LRRC4C: variants seen among roughly 807,000 people sequenced by gnomAD.
LRRC4C encodes the protein leucine rich repeat containing 4C, also known as leucine-rich repeat-containing protein 4C.
Under a neutral mutation model 33.6 loss-of-function variants are expected in LRRC4C, and 5 were observed. That is an observed-to-expected ratio of 0.15 (90% CI 0.08 to 0.31). LRRC4C has a LOEUF of 0.31. LRRC4C is among the 10% of genes least tolerant of loss of function. The pLI is 1.00. For synonymous variants in LRRC4C, 329 were observed against 302.0 expected, an observed-to-expected ratio of 1.09 and a Z score of -0.93; for missense variants, 560 against 796.7, an observed-to-expected ratio of 0.70 and a Z score of 3.58.
At chr11:40,659,216 C>T (rs1246678597) in intron 2 of LRRC4C, among the ~76,000 whole-genome samples, 4 of 152,210 alleles carry the variant, frequency 2.6e-5, no homozygotes, top group African/African-American at 4.8e-5. Context: ...TGTGCATGCA[C>T]TTGGAGCAGT....
intron 3 of LRRC4C, among the ~76,000 whole-genome samples, chr11:40,513,248 CAA>C (rs1171178910): frequency 2.8e-3 from 153 of 54,984 alleles, no homozygotes; most frequent in African/African-American, 7.9e-3. Flanking sequence ...GACTCCGTCT[CAA>C]AAAAAAAAAA....
rs1485153589 is a variant in LRRC4C at position 40,952,906 on chromosome 11, T to A, written c.-495-19183A>T. The stretch of plus-strand genomic sequence containing the variant: ...CACACACACACACACACTCTCTCTC[T>A]CTCTCTCTCTCTCTCTCTTTCTCTC... On this transcript the variant is annotated intron_variant, in intron 1 of 6. Transcript: ENST00000528697. Among the ~76,000 whole-genome samples, 870 of 147,082 alleles carry A rather than the reference T, an allele frequency of 5.9e-3. 4 individuals are homozygous for A. Among genetic ancestry groups the A allele is most frequent in the African/African-American group, 0.021 (819 of 38,450 alleles).
chr11:40,956,048 T>C (rs1249431993), intron 1 of LRRC4C, among the ~76,000 whole-genome samples: 1 of 151,848 alleles, frequency 6.6e-6, no homozygotes, highest in Non-Finnish European at 1.5e-5. Context: ...TATACTCCTG[T>C]TAGCTTTACT....
At chr11:40,705,035 C>CAT (rs1946079947) in intron 2 of LRRC4C, among the ~76,000 whole-genome samples, 1 of 151,680 alleles carries the variant, frequency 6.6e-6, no homozygotes, top group African/African-American at 2.4e-5. Context: ...TACACACATA[C>CAT]ACACACACAC....
chr11:40,459,032 A>G (rs1952264885), intron 3 of LRRC4C, among the ~76,000 whole-genome samples: 1 of 152,200 alleles, frequency 6.6e-6, no homozygotes, highest in African/African-American at 2.4e-5. Context: ...GCACACACAT[A>G]CATGCATACA....
chr11:41,268,553 A>T (rs972690837), intron 1 of LRRC4C, among the ~76,000 whole-genome samples: 6 of 152,144 alleles, frequency 3.9e-5, no homozygotes, highest in African/African-American at 1.4e-4. Context: ...CTTTATTTTT[A>T]AAAATTGTAC....
intron 5 of LRRC4C, among the ~76,000 whole-genome samples, chr11:40,241,059 G>T (rs921640570): frequency 6.6e-6 from 1 of 152,112 alleles, no homozygotes; most frequent in Admixed American, 6.6e-5. Flanking sequence ...AAAGCCTTTT[G>T]GTTATGAAAT....
At chr11:41,321,489 A>G (rs1950957666) in intron 1 of LRRC4C, among the ~76,000 whole-genome samples, 1 of 152,190 alleles carries the variant, frequency 6.6e-6, no homozygotes, top group Admixed American at 6.5e-5. Flanking sequence ...TTTCAAAAGG[A>G]CCGTAGAATT....
At chr11:41,205,556 A>C (rs2136286193) in intron 1 of LRRC4C, among the ~76,000 whole-genome samples, 1 of 152,326 alleles carries the variant, frequency 6.6e-6, no homozygotes, top group South Asian at 2.1e-4. Flanking sequence ...CAATACCCTC[A>C]AACTTGGACA....
intron 5 of LRRC4C, among the ~76,000 whole-genome samples, chr11:40,235,870 C>CTTA (rs1233775194): frequency 4.0e-5 from 6 of 151,794 alleles, no homozygotes; most frequent in Non-Finnish European, 8.8e-5. Flanking sequence ...TTTGCATGGC[C>CTTA]TTATTATTAT....
At chr11:40,468,360 T>C (rs995997691) in intron 3 of LRRC4C, among the ~76,000 whole-genome samples, 1 of 152,202 alleles carries the variant, frequency 6.6e-6, no homozygotes, top group Non-Finnish European at 1.5e-5. Flanking sequence ...AATTTCTTCC[T>C]CTTCTGTTAG....
chr11:41,136,111 A>G lies in LRRC4C; in HGVS notation c.-495-202388T>C, dbSNP rs565910037. 2.0e-5 allele frequency among the ~76,000 whole-genome samples: 3 copies of G among 152,268 alleles called. No individual in the cohort carries two copies. The East Asian group carries it at 5.8e-4, about 29-fold the overall frequency. ...GCATATGTCAGGCAGTGGTCTAGGA[A>G]GTGGATATACAATGAAGAACAACAC... On this transcript the variant is annotated intron_variant, in intron 1 of 6. Transcript: ENST00000528697.
chr11:41,002,322 T>C (rs1397249958), intron 1 of LRRC4C, among the ~76,000 whole-genome samples: 7 of 152,186 alleles, frequency 4.6e-5, no homozygotes, highest in Non-Finnish European at 1.0e-4. Context: ...GCCATTGTGT[T>C]AACATAGGTT....
At chr11:40,862,529 A>C (rs1172789712) in intron 2 of LRRC4C, among the ~76,000 whole-genome samples, 1 of 152,186 alleles carries the variant, frequency 6.6e-6, no homozygotes, top group Admixed American at 6.5e-5. Flanking sequence ...GTAAATACTA[A>C]CCTTCATGTC....
At chr11:40,212,059 A>G in intron 5 of LRRC4C, among the ~76,000 whole-genome samples, 1 of 152,166 alleles carries the variant, frequency 6.6e-6, no homozygotes, top group Non-Finnish European at 1.5e-5. Context: ...ATATACATTG[A>G]AGTAAAGTTC....
chr11:40,127,958 C>T (rs758836177), intron 6 of LRRC4C, among the ~76,000 whole-genome samples: 44 of 152,144 alleles, frequency 2.9e-4, no homozygotes, highest in Admixed American at 1.1e-3. Flanking sequence ...CTACTAAACA[C>T]ACATTTAGTT....
chr11:40,593,148 G>C (rs1035703969), intron 3 of LRRC4C, among the ~76,000 whole-genome samples: 1 of 152,140 alleles, frequency 6.6e-6, no homozygotes, highest in Non-Finnish European at 1.5e-5. Flanking sequence ...AGAAACCACA[G>C]AGAGAGATGC....
In LRRC4C at chr11:41,013,621, A is replaced by G. The variant is rs114190558; in HGVS notation, c.-495-79898T>C. Among the ~76,000 whole-genome samples the G allele has an allele frequency of 4.8e-3, 735 of 152,296 alleles. 6 individuals carry two copies. Among genetic ancestry groups the G allele is most frequent in the African/African-American group, 0.017 (704 of 41,560 alleles). On this transcript the variant is annotated intron_variant, in intron 1 of 6. Transcript: ENST00000528697. ...ATAAACTGGGTGGTTTATAAAGAAGAAAAACATATTTCTTATAGTTTTAGA... is the reference window on the plus strand; with the variant it reads ...ATAAACTGGGTGGTTTATAAAGAAGGAAAACATATTTCTTATAGTTTTAGA...
At chr11:40,819,000 C>A (rs984785732) in intron 2 of LRRC4C, among the ~76,000 whole-genome samples, 5 of 152,050 alleles carry the variant, frequency 3.3e-5, no homozygotes, top group Non-Finnish European at 7.4e-5. Flanking sequence ...GAACCAATGA[C>A]ACTGAAATTT....
Sources: gnomAD v4.1 joint callset for allele counts (sites outside exome capture counted in the v4.1 genomes callset) on GRCh38, gnomAD v4.1.1 for gene constraint, MANE v1.5 for transcripts, NCBI Gene and HGNC (gene_info 2026-07-23, HGNC 2026-07-21) for gene names.